MPPED2: variants seen among roughly 807,000 people sequenced by gnomAD.
MPPED2 encodes metallophosphoesterase MPPED2.
In MPPED2, 5 loss-of-function variants were observed where a neutral mutation model predicts 33.0. The observed-to-expected ratio is 0.15, with a 90% confidence interval of 0.08 to 0.32. The LOEUF (loss-of-function observed/expected upper bound fraction) is 0.32. MPPED2 is among the 10% of genes least tolerant of loss of function. MPPED2 has a pLI of 1.00. For synonymous variants in MPPED2, 136 were observed against 141.9 expected (o/e 0.96, Z 0.29); for missense variants, 275 against 372.1 (o/e 0.74, Z 2.15).
chr11:30,585,684 C>G (rs959560161), intron 1 of MPPED2, among the ~76,000 whole-genome samples: 1 of 152,042 alleles, frequency 6.6e-6, no homozygotes, highest in African/African-American at 2.4e-5. Context: ...AGGTGGGGAC[C>G]CCCAGAGGTC....
At chr11:30,580,945 T>A (rs946960919) in intron 1 of MPPED2, among the ~76,000 whole-genome samples, 1 of 152,204 alleles carries the variant, frequency 6.6e-6, no homozygotes, top group Non-Finnish European at 1.5e-5. Context: ...CAATGACAGA[T>A]AAGAATTTAA....
intron 6 of MPPED2, among the ~76,000 whole-genome samples, chr11:30,402,513 T>G (rs1318098834): frequency 6.6e-6 from 1 of 152,148 alleles, no homozygotes. Context: ...ACAACCAGGC[T>G]ACTCACCTGT....
At chr11:30,570,749 T>C (rs1401913170) in intron 2 of MPPED2, among the ~76,000 whole-genome samples, 1 of 152,194 alleles carries the variant, frequency 6.6e-6, no homozygotes, top group Non-Finnish European at 1.5e-5. Context: ...AAAGTCTTTG[T>C]TCAAAACATA....
intron 4 of MPPED2, among the ~76,000 whole-genome samples, chr11:30,448,374 T>G (rs1215763553): frequency 2.0e-5 from 3 of 152,200 alleles, no homozygotes; most frequent in African/African-American, 7.2e-5. Context: ...GAGCACCTGA[T>G]GAGTTCCACA....
chr11:30,414,316 C>T lies in MPPED2; in HGVS notation c.678G>A (p.Glu226=), dbSNP rs200742234. Residue 226 remains glutamate, a synonymous_variant, in exon 6 of 7, where the codon GAG becomes GAA. Transcript: ENST00000358117. ...PLGFRDWVPK[E]LQRVGCVELL... ...GCTCCACACAGCCCACTCTTTGAAG[C>T]TCCTTTGGAACCCAGTCTCGAAAAC... 1.9e-5 allele frequency: 30 copies of T among 1,613,908 alleles called. No homozygotes were observed. In the African/African-American group the frequency reaches 2.8e-4, roughly 15 times the overall value.
chr11:30,553,198 C>G (rs1009951845), intron 2 of MPPED2, among the ~76,000 whole-genome samples: 1 of 152,136 alleles, frequency 6.6e-6, no homozygotes, highest in Non-Finnish European at 1.5e-5. Flanking sequence ...TTGCCATGAA[C>G]TGCACCATAA....
intron 2 of MPPED2, among the ~76,000 whole-genome samples, chr11:30,556,895 A>T (rs1342876997): frequency 1.3e-5 from 2 of 152,072 alleles, no homozygotes; most frequent in African/African-American, 4.8e-5. Context: ...TAGGCCAGAA[A>T]ATGTAAGAAG....
At chr11:30,388,973 G>A (rs1227481121) in intron 6 of MPPED2, 3 of 1,552,510 alleles carry the variant, frequency 1.9e-6, no homozygotes, top group Admixed American at 3.9e-5. Context: ...GGGAGAGAGA[G>A]AAAGAGAGAG....
intron 4 of MPPED2, chr11:30,425,626 AT>A (rs1233900720): frequency 1.3e-5 from 2 of 152,200 alleles, no homozygotes; most frequent in Non-Finnish European, 2.9e-5. Flanking sequence ...GGTGAGGCAG[AT>A]TTTGGACATG....
Position 30,505,673 on chromosome 11 carries a change from G to A in MPPED2, c.311-10152C>T, listed in dbSNP as rs17401339. On this transcript the variant is annotated intron_variant, in intron 3 of 6. Coordinates refer to ENST00000358117, the MANE Select transcript of MPPED2 (RefSeq NM_001584.3). ...CTACTTCCTCAAGCATTAGAAAACC[G>A]CATCCAAATCAAGGTTCCACCAGAT... 7.0e-3 allele frequency among the ~76,000 whole-genome samples: 1,065 copies of A among 152,254 alleles called. 6 individuals carry two copies. The highest frequency in any genetic ancestry group is 0.012 in the Admixed American group (183 of 15,290).
At chr11:30,495,587 A>C in intron 3 of MPPED2, 66 bp from the exon 4 acceptor site, 1 of 1,204,994 alleles carries the variant, frequency 8.3e-7, no homozygotes, top group South Asian at 1.3e-5. Context: ...AACAGCCGAG[A>C]CTGTGTGATT....
chr11:30,412,065 A>G (rs1948129130), intron 6 of MPPED2, among the ~76,000 whole-genome samples: 1 of 151,850 alleles, frequency 6.6e-6, no homozygotes, highest in African/African-American at 2.4e-5. Context: ...TAGACACTCA[A>G]TTTACTTATT....
At chr11:30,508,867 G>A (rs1039749849) in intron 3 of MPPED2, among the ~76,000 whole-genome samples, 2 of 152,122 alleles carry the variant, frequency 1.3e-5, no homozygotes, top group Non-Finnish European at 2.9e-5. Context: ...TTTGTCTAAC[G>A]AGTTCTCTTT....
chr11:30,456,019 CAG>C (rs2133974524), intron 4 of MPPED2, among the ~76,000 whole-genome samples: 1 of 152,350 alleles, frequency 6.6e-6, no homozygotes, highest in Admixed American at 6.5e-5. Context: ...CTTTCAAGTA[CAG>C]CATACTTTCT....
At chr11:30,557,709 G>T (rs1956045377) in intron 2 of MPPED2, among the ~76,000 whole-genome samples, 1 of 152,208 alleles carries the variant, frequency 6.6e-6, no homozygotes. Context: ...TATATAGAAT[G>T]ATCTGGATCA....
In MPPED2 at chr11:30,410,822, A is replaced by T; in HGVS notation, c.*646T>A. ...TGTATTTTTAAAGCTGAAATAATTTAAAAGAAACAAACAAACAATGAGACC... is the reference window on the plus strand; with the variant it reads ...TGTATTTTTAAAGCTGAAATAATTTTAAAGAAACAAACAAACAATGAGACC... On this transcript the variant is annotated 3_prime_UTR_variant, in exon 7 of 7. Transcript: ENST00000358117. 5 of 985,838 alleles carry T rather than the reference A, an allele frequency of 5.1e-6. No individual in the cohort carries two copies. The highest frequency in any genetic ancestry group is 6.0e-6 in the Non-Finnish European group (5 of 829,886). 61.1% of individuals were successfully genotyped at this position (985,838 alleles called of 1,614,324 possible).
chr11:30,562,597 C>A (rs1956282020), intron 2 of MPPED2, among the ~76,000 whole-genome samples: 1 of 152,144 alleles, frequency 6.6e-6, no homozygotes, highest in Admixed American at 6.6e-5. Flanking sequence ...TTCTTCCTTG[C>A]TTCTCCTACT....
chr11:30,495,014 TG>T, intron 4 of MPPED2: 1 of 362,324 alleles, frequency 2.8e-6, no homozygotes, highest in Non-Finnish European at 5.0e-6. Flanking sequence ...ATTTTATCAG[TG>T]GGAGGTCCTG....
At position 30,411,070 on chromosome 11, in the gene MPPED2, A is replaced by C; in HGVS notation, c.*398T>G. 1 of 986,782 alleles carries C rather than the reference A, an allele frequency of 1.0e-6. No individual in the cohort carries two copies. The highest frequency in any genetic ancestry group is 1.2e-6 in the Non-Finnish European group (1 of 830,564). The allele number at this position is 986,782 out of a possible 1,614,324, so 61.1% of individuals were successfully genotyped here. ...ATTGAAAATTAAAATATTTCAAACAATACTCTTAAACAGTTGTGCAAATCT... is the reference window on the plus strand; with the variant it reads ...ATTGAAAATTAAAATATTTCAAACACTACTCTTAAACAGTTGTGCAAATCT... On this transcript the variant is annotated 3_prime_UTR_variant, in exon 7 of 7. Coordinates refer to ENST00000358117, the MANE Select transcript of MPPED2 (RefSeq NM_001584.3).
Sources: allele counts gnomAD v4.1 joint callset (sites outside exome capture counted in the v4.1 genomes callset), GRCh38; gene constraint gnomAD v4.1.1; transcripts MANE v1.5; gene names NCBI Gene and HGNC (gene_info 2026-07-23, HGNC 2026-07-21).